SORCS2: variants seen among roughly 807,000 people sequenced by gnomAD.
SORCS2 encodes the protein sortilin related VPS10 domain containing receptor 2.
A neutral mutation model predicts 141.6 loss-of-function variants in SORCS2; 100 were observed. The observed-to-expected ratio is 0.71, with a 90% CI of 0.60 to 0.83. SORCS2 has a LOEUF of 0.83. Among genes scored for constraint, SORCS2 ranks in the 40% least tolerant of loss-of-function variants. SORCS2 has a pLI of 0.00. For synonymous variants in SORCS2, 789 were observed against 676.9 expected, an observed-to-expected ratio of 1.17 and a Z score of -2.57; for missense variants, 1,646 against 1,560.2, an observed-to-expected ratio of 1.05 and a Z score of -0.93.
In SORCS2 at chr4:7,714,243, G is replaced by A. The variant is rs376807483; in HGVS notation, c.1993G>A (p.Asp665Asn). Reference protein sequence around the residue: ...SSWELSNLQGDRCIMGQQRSF... With the variant: ...SSWELSNLQGNRCIMGQQRSF... ...TACCCTGATGTTCCTGCTGCAGGGC[G>A]ACCGCTGTATCATGGGCCAGCAGAG... The change falls in exon 16 of 27, where the codon GAC (aspartate) becomes AAC (asparagine). Residue 665 changes from aspartate (D) to asparagine (N), a missense_variant. By Grantham distance (23) the Asp-to-Asn change is conservative. Transcript: ENST00000507866. 37 of 1,610,060 alleles carry A rather than the reference G, an allele frequency of 2.3e-5. No individual in the cohort carries two copies. The highest frequency in any genetic ancestry group is 6.7e-5 in the Admixed American group (4 of 59,662).
intron 2 of SORCS2, chr4:7,434,067 C>T (rs2109236427): frequency 6.2e-7 from 1 of 1,611,228 alleles, no homozygotes; most frequent in Non-Finnish European, 8.5e-7. Flanking sequence ...GGGAGGGGAC[C>T]CCGTCCATGG....
chr4:7,430,739 T>C (rs1013544586), intron 2 of SORCS2: 2 of 152,290 alleles, frequency 1.3e-5, no homozygotes, highest in Non-Finnish European at 2.9e-5. Flanking sequence ...CTAGGCCCAG[T>C]AGGGCCAGCT....
intron 2 of SORCS2, among the ~76,000 whole-genome samples, chr4:7,495,520 G>C (rs1017552244): frequency 2.0e-5 from 3 of 152,170 alleles, no homozygotes; most frequent in Non-Finnish European, 4.4e-5. Flanking sequence ...GTCAGCACAG[G>C]CTACACTGGT....
rs953142717 is a variant in SORCS2 at position 7,664,898 on chromosome 4, C to T, written c.1071+427C>T. On this transcript the variant is annotated intron_variant, in intron 7 of 26. Coordinates refer to ENST00000507866, the MANE Select transcript of SORCS2 (RefSeq NM_020777.3). This position sits in a 1 kb window ranked among gnomAD's most constrained non-coding sequence, Gnocchi z 4.7. ...CTCAGGTCACAAGTGGGCCCACCCT[C>T]AGCAGCCATGTGGTCCCAGCTAATT... Among the ~76,000 whole-genome samples the T allele has an allele frequency of 6.6e-6, 1 of 152,242 alleles. No homozygotes were observed. Among genetic ancestry groups the T allele is most frequent in the Non-Finnish European group, 1.5e-5 (1 of 68,044 alleles).
intron 1 of SORCS2, among the ~76,000 whole-genome samples, chr4:7,389,525 G>C (rs1178978789): frequency 6.6e-6 from 1 of 152,164 alleles, no homozygotes; most frequent in African/African-American, 2.4e-5. Context: ...TGGCTTTTCT[G>C]AGTCAGCCTG....
intron 16 of SORCS2, among the ~76,000 whole-genome samples, chr4:7,714,643 A>AAC (rs1415250036): frequency 1.3e-5 from 2 of 152,196 alleles, no homozygotes; most frequent in African/African-American, 4.8e-5. Flanking sequence ...GAAAGTGAGG[A>AAC]ACAGGTCAGG....
At chr4:7,452,340 C>T (rs1380674335) in intron 2 of SORCS2, among the ~76,000 whole-genome samples, 1 of 152,134 alleles carries the variant, frequency 6.6e-6, no homozygotes, top group Non-Finnish European at 1.5e-5. Context: ...CAGAGTTTCA[C>T]CACATTGGCC....
intron 2 of SORCS2, among the ~76,000 whole-genome samples, chr4:7,485,132 G>A (rs1011260523): frequency 6.6e-6 from 1 of 152,146 alleles, no homozygotes; most frequent in Non-Finnish European, 1.5e-5. Flanking sequence ...ACTCCACACG[G>A]CACACACTCC....
intron 2 of SORCS2, among the ~76,000 whole-genome samples, chr4:7,494,876 C>T (rs542121554): frequency 2.6e-5 from 4 of 152,338 alleles, no homozygotes; most frequent in East Asian, 1.9e-4. Flanking sequence ...TCGTCTCTGC[C>T]GCTCTGAACT....
chr4:7,256,384 TA>T (rs983985020), intron 1 of SORCS2, among the ~76,000 whole-genome samples: 2 of 152,038 alleles, frequency 1.3e-5, no homozygotes, highest in African/African-American at 4.8e-5. Context: ...AATTAAAAAT[TA>T]AAAAACAAAA....
intron 3 of SORCS2, among the ~76,000 whole-genome samples, chr4:7,617,760 C>T (rs1718865407): frequency 6.6e-6 from 1 of 152,188 alleles, no homozygotes; most frequent in Non-Finnish European, 1.5e-5. Flanking sequence ...TGACTTGCCC[C>T]TCATGGGCTG....
At position 7,673,775 on chromosome 4, in the gene SORCS2, G is replaced by T. The variant is rs186603625; in HGVS notation, c.1162-2275G>T. Among the ~76,000 whole-genome samples, 64 of 152,218 alleles carry T rather than the reference G, an allele frequency of 4.2e-4. No individual in the cohort carries two copies. The East Asian group carries it at 0.011, about 27-fold the overall frequency. On this transcript the variant is annotated intron_variant, in intron 8 of 26. Coordinates refer to ENST00000507866, the MANE Select transcript of SORCS2 (RefSeq NM_020777.3). ...AGGCACCATGTGACTTGCTGCAATC[G>T]CTGTAAATACGGCATCCTGACGACA...
intron 2 of SORCS2, among the ~76,000 whole-genome samples, chr4:7,477,387 T>C (rs574275852): frequency 0.85 from 116,889 of 137,976 alleles, 50,179 homozygotes; most frequent in South Asian, 0.95. Flanking sequence ...CGTGGCTGAT[T>C]GGGGCTGACA....
At chr4:7,685,757 C>T (rs1381785728) in intron 10 of SORCS2, among the ~76,000 whole-genome samples, 1 of 152,026 alleles carries the variant, frequency 6.6e-6, no homozygotes, top group Non-Finnish European at 1.5e-5. Context: ...GCCATGGCAT[C>T]TCCAAGGGTG....
intron 5 of SORCS2, among the ~76,000 whole-genome samples, chr4:7,654,599 C>T (rs185438305): frequency 3.9e-5 from 6 of 152,304 alleles, no homozygotes; most frequent in East Asian, 3.9e-4. Flanking sequence ...CCCACCACTC[C>T]GCACTCCCTG....
At chr4:7,394,413 G>T (rs568388227) in intron 1 of SORCS2, among the ~76,000 whole-genome samples, 1 of 149,766 alleles carries the variant, frequency 6.7e-6, no homozygotes, top group Non-Finnish European at 1.5e-5. Context: ...TTGGAGGGGG[G>T]GTGTATGGAG....
intron 3 of SORCS2, among the ~76,000 whole-genome samples, chr4:7,560,859 C>T (rs1262126751): frequency 6.6e-6 from 1 of 152,182 alleles, no homozygotes; most frequent in Non-Finnish European, 1.5e-5. Flanking sequence ...ACTTGTTTCC[C>T]TATCGACAGA....
chr4:7,637,970 G>T (rs1425639652), intron 3 of SORCS2, among the ~76,000 whole-genome samples: 1 of 151,980 alleles, frequency 6.6e-6, no homozygotes, highest in South Asian at 2.1e-4. Context: ...CCCCATGAAT[G>T]AACAGACGAA....
intron 8 of SORCS2, among the ~76,000 whole-genome samples, chr4:7,668,924 T>A (rs898779112): frequency 1.3e-5 from 2 of 152,090 alleles, no homozygotes; most frequent in South Asian, 4.2e-4. Context: ...CCCTCTAGCA[T>A]TGGAGGCTGG....
Sources: gnomAD v4.1 joint callset for allele counts (sites outside exome capture counted in the v4.1 genomes callset) on GRCh38, gnomAD v4.1.1 for gene constraint, Gnocchi (gnomAD v3.1) non-coding constraint, MANE v1.5 for transcripts, NCBI Gene and HGNC (gene_info 2026-07-23, HGNC 2026-07-21) for gene names.